Variants in CC2D2B observed in about 807,000 individuals in gnomAD.
The protein encoded by CC2D2B is protein CC2D2B.
CC2D2B carries 128 observed loss-of-function variants against 161.2 expected under a neutral mutation model. That is an observed-to-expected ratio of 0.79 (90% CI 0.69 to 0.92). The LOEUF is 0.92. Ranked by LOEUF, CC2D2B falls within the 40% of genes least tolerant of loss-of-function variation. The probability of loss-of-function intolerance (pLI) is 0.00; values close to 1 mark genes in which losing one functional copy is unlikely to be tolerated. For synonymous variants in CC2D2B, 391 were observed against 449.8 expected (o/e 0.87, Z 1.65); for missense variants, 1,173 against 1,375.1 (o/e 0.85, Z 2.32).
At chr10:95,973,604 A>G (rs1475141408) in intron 16 of CC2D2B, among the ~76,000 whole-genome samples, 1 of 152,100 alleles carries the variant, frequency 6.6e-6, no homozygotes, top group African/African-American at 2.4e-5. Flanking sequence ...CACACCTGTA[A>G]TCCTAGCACT....
In CC2D2B at chr10:95,983,784, C is replaced by A; in HGVS notation, c.2261C>A (p.Thr754Lys). The A allele has an allele frequency of 3.3e-6, 4 of 1,227,644 alleles. No homozygotes were observed. The highest frequency in any genetic ancestry group is 3.0e-6 in the Non-Finnish European group (3 of 983,996). 76.0% of individuals were successfully genotyped at this position (1,227,644 alleles called of 1,614,324 possible). Residue 754 changes from threonine (T) to lysine (K), a missense_variant, in exon 19 of 35, where the codon ACA (threonine) becomes AAA (lysine). Around this residue, in one of 3 missense-constraint regions of CC2D2B, gnomAD observed 277 missense variants for 420.6 expected, o/e 0.66. Coordinates refer to ENST00000646931, the MANE Select transcript of CC2D2B (RefSeq NM_001349008.3). ...FLLQQMPLHD[T>K]EIPDLVFQEY... is the part of the protein sequence containing the mutation. ...CTACAGCAAATGCCCCTCCATGATA[C>A]AGAGATTCCAGATTTAGTCTTCCAG...
At chr10:95,994,165 G>A (rs577476290) in intron 22 of CC2D2B, among the ~76,000 whole-genome samples, 14 of 149,874 alleles carry the variant, frequency 9.3e-5, no homozygotes, top group African/African-American at 2.2e-4. Context: ...ATGGCTGGGC[G>A]CACTGATATT....
chr10:96,031,650 G>A (rs1312635206), intron 34 of CC2D2B, among the ~76,000 whole-genome samples, 170 bp from the exon 35 acceptor site: 1 of 152,178 alleles, frequency 6.6e-6, no homozygotes, highest in African/African-American at 2.4e-5. Flanking sequence ...GATTAAATAT[G>A]TATGTGAAGC....
chr10:95,931,871 A>G (rs1564592586), intron 6 of CC2D2B, among the ~76,000 whole-genome samples: 1 of 152,184 alleles, frequency 6.6e-6, no homozygotes, highest in Admixed American at 6.5e-5. Flanking sequence ...TGGGGTGGAG[A>G]GTTCCGTAGA....
At chr10:96,028,198 T>A (rs577397046) in intron 34 of CC2D2B, among the ~76,000 whole-genome samples, 2 of 151,832 alleles carry the variant, frequency 1.3e-5, no homozygotes, top group Admixed American at 6.6e-5. Context: ...GTGAAAAGAC[T>A]GAGAGAAAAT....
At chr10:96,015,469 G>GTTTT (rs60156277) in intron 29 of CC2D2B, among the ~76,000 whole-genome samples, 4 of 148,048 alleles carry the variant, frequency 2.7e-5, no homozygotes, top group Admixed American at 2.0e-4. Context: ...GTTTGTTTTT[G>GTTTT]TTTTTTTTTT....
chr10:96,003,735 C>T (rs1027248922), intron 24 of CC2D2B, among the ~76,000 whole-genome samples: 3 of 151,942 alleles, frequency 2.0e-5, no homozygotes, highest in African/African-American at 4.8e-5. Context: ...GGATTACAGG[C>T]GTGAGCCACC....
intron 33 of CC2D2B, 49 bp from the exon 34 acceptor site, chr10:96,027,163 C>A: frequency 7.8e-7 from 1 of 1,278,844 alleles, no homozygotes; most frequent in Non-Finnish European, 1.0e-6. Context: ...TTATATTTAC[C>A]AAATGAGTTA....
chr10:95,926,838 G>GTGTGTGTGTGTGTGTGTGTGTGTGTGTA (rs2098539719), intron 5 of CC2D2B, among the ~76,000 whole-genome samples: 1 of 137,412 alleles, frequency 7.3e-6, no homozygotes, highest in Non-Finnish European at 1.6e-5. Context: ...GTGTGTGTGT[G>GTGTGTGTGTGTGTGTGTGTGTGTGTGTA]TGTGTGTGTC....
At chr10:95,963,964 G>C (rs7903617) in intron 12 of CC2D2B, among the ~76,000 whole-genome samples, 83,153 of 151,940 alleles carry the variant, frequency 0.55, 23,233 homozygotes, top group Admixed American at 0.62. Context: ...AGTCGCTATA[G>C]ATGATAGATT....
chr10:96,004,248 G>C lies in CC2D2B; in HGVS notation c.2946G>C (p.Glu982Asp). ...ATGAAATGATGACTGAAAAACATGA[G>C]GTAAAGTAGAATAATTACAATAGCC... ...IFDEMMTEKH[E>D]DHCLKSCSGH... The change falls in exon 25 of 35, where the codon GAG (glutamate) becomes GAC (aspartate). Residue 982 changes from glutamate (E) to aspartate (D), a missense_variant and splice_region_variant. Physicochemically the swap from Glu to Asp is conservative, Grantham distance 45. Around this residue, in one of 3 missense-constraint regions of CC2D2B, gnomAD observed 598 missense variants for 693.2 expected, o/e 0.86. Transcript: ENST00000646931. 7.2e-7 allele frequency: 1 copy of C among 1,388,246 alleles called. No individual in the cohort carries two copies. Among genetic ancestry groups the C allele is most frequent in the Non-Finnish European group, 9.9e-7 (1 of 1,014,390 alleles). 86.0% of individuals were successfully genotyped at this position (1,388,246 alleles called of 1,614,324 possible). A position where few individuals can be genotyped will look rare whatever the true frequency, so the allele number is the denominator to read the frequency against.
intron 22 of CC2D2B, among the ~76,000 whole-genome samples, chr10:95,993,932 GTGTGTGTGTGTATGTA>G (rs1214462103): frequency 3.7e-3 from 27 of 7,298 alleles, no homozygotes; most frequent in Non-Finnish European, 4.6e-3. Flanking sequence ...GTGTGTGTGT[GTGTGTGTGTGTATGTA>G]TGTGTATATA....
In CC2D2B at chr10:95,996,254, T is replaced by G; in HGVS notation, c.2849+2T>G. ...TGAAGAAATTAAAGTAGATTTTGTG[T>G]AAGTTGGAGTTCATTTTTCCATAGC... On this transcript the variant is annotated splice_donor_variant, in intron 24 of 34. Transcript: ENST00000646931. LOFTEE classifies it high-confidence loss of function. 1.5e-6 allele frequency: 2 copies of G among 1,321,572 alleles called. No individual in the cohort carries two copies. Among genetic ancestry groups the G allele is most frequent in the East Asian group, 5.2e-5 (2 of 38,312 alleles). 81.9% of individuals were successfully genotyped at this position (1,321,572 alleles called of 1,614,324 possible).
At position 95,974,145 on chromosome 10, in the gene CC2D2B, T is replaced by G; in HGVS notation, c.1932T>G (p.Ser644=). The G allele has an allele frequency of 8.1e-7, 1 of 1,229,558 alleles. No individual in the cohort carries two copies. The highest frequency in any genetic ancestry group is 1.0e-6 in the Non-Finnish European group (1 of 985,634). The allele number at this position is 1,229,558 out of a possible 1,614,324, so 76.2% of individuals were successfully genotyped here. A position where few individuals can be genotyped will look rare whatever the true frequency, so the allele number is the denominator to read the frequency against. ...PLIPMPQSLR[S]SYCSMLRNVD... ...TACCTATGCCACAATCATTAAGATC[T>G]TCTTACTGCAGGTAATAAACTTTTA... The change falls in exon 17 of 35, where the codon TCT becomes TCG. Residue 644 remains serine (S), a synonymous_variant. Transcript: ENST00000646931.
intron 11 of CC2D2B, among the ~76,000 whole-genome samples, chr10:95,956,237 T>G (rs1344603838): frequency 6.6e-6 from 1 of 152,090 alleles, no homozygotes; most frequent in Non-Finnish European, 1.5e-5. Context: ...TTCAAAGATA[T>G]AACATTTTAA....
Position 96,032,091 on chromosome 10 carries a change from G to A in CC2D2B, c.*83G>A. On this transcript the variant is annotated 3_prime_UTR_variant, in exon 35 of 35. Coordinates refer to ENST00000646931, the MANE Select transcript of CC2D2B (RefSeq NM_001349008.3). The stretch of plus-strand genomic sequence containing the variant: ...TTTTCTGGTACCTTGAGATTTTGCT[G>A]TTTATTCTCAAGTCCAGCTAAGTGC... The A allele has an allele frequency of 9.0e-7, 1 of 1,113,330 alleles. No individual in the cohort carries two copies. Among genetic ancestry groups the A allele is most frequent in the Non-Finnish European group, 1.3e-6 (1 of 784,494 alleles). The allele number at this position is 1,113,330 out of a possible 1,614,324, so 69.0% of individuals were successfully genotyped here.
chr10:95,968,657 T>A (rs1421067367), intron 14 of CC2D2B, 67 bp from the exon 15 acceptor site: 3 of 609,870 alleles, frequency 4.9e-6, no homozygotes, highest in Non-Finnish European at 7.1e-6. Flanking sequence ...ATATACATTT[T>A]GAAAGAACAA....
chr10:95,922,060 C>T lies in CC2D2B; in HGVS notation c.81C>T (p.Asp27=). ...ATATTACAGCTGAAGAAATTATAGA[C>T]AAGCATCTCCAAAAAGGTTCTCAAT... The part of the protein sequence containing the change: ...MDNITAEEII[D]KHLQKDLDAE... The change falls in exon 3 of 35, where the codon GAC becomes GAT. Residue 27 remains aspartate, a synonymous_variant. Transcript: ENST00000646931. 2 of 1,530,558 alleles carry T rather than the reference C, an allele frequency of 1.3e-6. No individual in the cohort carries two copies. Among genetic ancestry groups the T allele is most frequent in the East Asian group, 2.5e-5 (1 of 40,664 alleles). The allele number at this position is 1,530,558 out of a possible 1,614,324, so 94.8% of individuals were successfully genotyped here. A position where few individuals can be genotyped will look rare whatever the true frequency, so the allele number is the denominator to read the frequency against.
intron 15 of CC2D2B, 113 bp downstream of exon 15, chr10:95,969,014 CTGATCTTTATGT>C: frequency 2.4e-6 from 1 of 424,434 alleles, no homozygotes. Context: ...AAGAGATGGA[CTGATCTTTATGT>C]GTAGATGATA....
Sources: gnomAD v4.1 joint callset for allele counts (sites outside exome capture counted in the v4.1 genomes callset) on GRCh38, gnomAD v4.1.1 for gene constraint, gnomAD v4.1.1 regional missense constraint, MANE v1.5 for transcripts, NCBI Gene and HGNC (gene_info 2026-07-23, HGNC 2026-07-21) for gene names.